Variants in CDS2 observed in about 807,000 individuals in gnomAD.
The protein encoded by CDS2 is phosphatidate cytidylyltransferase 2.
In CDS2, 47 loss-of-function variants were observed where a neutral mutation model predicts 59.0. The observed-to-expected ratio is 0.80, with a 90% CI of 0.63 to 1.02. The LOEUF is 1.02. Among genes scored for constraint, CDS2 ranks in the 50% least tolerant of loss-of-function variants. The pLI is 0.00. For missense variants in CDS2, 356 were observed against 558.9 expected (o/e 0.64, Z 3.66); for synonymous variants, 207 against 206.4 (o/e 1.00, Z -0.02).
intron 1 of CDS2, among the ~76,000 whole-genome samples, chr20:5,137,112 T>C (rs2090655285): frequency 6.6e-6 from 1 of 151,976 alleles, no homozygotes; most frequent in Non-Finnish European, 1.5e-5. Context: ...AAGGATATGA[T>C]TTTATTCTTT....
At chr20:5,138,311 A>G (rs950000450) in intron 1 of CDS2, among the ~76,000 whole-genome samples, 3 of 151,902 alleles carry the variant, frequency 2.0e-5, no homozygotes, top group Non-Finnish European at 2.9e-5. Flanking sequence ...TCTTTGGCAT[A>G]TAGATATCCA....
intron 1 of CDS2, among the ~76,000 whole-genome samples, chr20:5,154,928 A>G (rs2090821468): frequency 6.6e-6 from 1 of 152,236 alleles, no homozygotes; most frequent in Non-Finnish European, 1.5e-5. Flanking sequence ...GATTACAGGC[A>G]TGAGCCGTTG....
At position 5,186,686 on chromosome 20, in the gene CDS2, G is replaced by A; in HGVS notation, c.829-1G>A. The A allele has an allele frequency of 1.2e-6, 2 of 1,614,010 alleles. No homozygotes were observed. The highest frequency in any genetic ancestry group is 1.1e-5 in the South Asian group (1 of 91,068). On this transcript the variant is annotated splice_acceptor_variant, in intron 9 of 12. Transcript: ENST00000460006. LOFTEE classifies it high-confidence loss of function. Reference sequence around the variant, plus strand: ...CCGGTCTCTCTGTTATTCCTCCTCAGCTGTCCTATGTGATGTCCGGGTACA... The same window carrying A: ...CCGGTCTCTCTGTTATTCCTCCTCAACTGTCCTATGTGATGTCCGGGTACA...
At chr20:5,186,529 G>A (rs1225391424) in intron 9 of CDS2, among the ~76,000 whole-genome samples, 158 bp from the exon 10 acceptor site, 1 of 151,292 alleles carries the variant, frequency 6.6e-6, no homozygotes, top group African/African-American at 2.4e-5. Flanking sequence ...TTTTAATTGA[G>A]GTAAAATATG....
chr20:5,161,223 G>T (rs746160348), intron 1 of CDS2, among the ~76,000 whole-genome samples: 3 of 152,116 alleles, frequency 2.0e-5, no homozygotes, highest in Non-Finnish European at 4.4e-5. Flanking sequence ...TGTTATTTTG[G>T]TTTTTCTTTT....
rs115626411 is a variant in CDS2 at position 5,181,342 on chromosome 20, G to T, written c.530-1045G>T. Among the ~76,000 whole-genome samples, 909 of 152,226 alleles carry T rather than the reference G, an allele frequency of 6.0e-3. 10 individuals carry two copies. The highest frequency in any genetic ancestry group is 0.021 in the African/African-American group (868 of 41,538). ...GCAGTCTATTTCCTTTGGGTTGGGG[G>T]TCTCCTCAGTATTGTCCCTTTGGGG... On this transcript the variant is annotated intron_variant, in intron 5 of 12. Transcript: ENST00000460006.
chr20:5,145,789 A>G (rs970983266), intron 1 of CDS2, among the ~76,000 whole-genome samples: 6 of 149,762 alleles, frequency 4.0e-5, no homozygotes, highest in Admixed American at 4.0e-4. Flanking sequence ...TATCTTCTGC[A>G]GGAAGTTCCA....
intron 1 of CDS2, among the ~76,000 whole-genome samples, chr20:5,156,341 G>A (rs2090833653): frequency 3.9e-5 from 6 of 152,204 alleles, no homozygotes; most frequent in Admixed American, 3.9e-4. Context: ...GCAGAAGGAT[G>A]AACTAGTGTG....
intron 5 of CDS2, among the ~76,000 whole-genome samples, chr20:5,181,150 G>T (rs1157920313): frequency 1.3e-5 from 2 of 152,190 alleles, no homozygotes; most frequent in Admixed American, 6.5e-5. Context: ...GCTGATACGG[G>T]GTCGGTAGCT....
At chr20:5,157,352 G>A (rs1261840041) in intron 1 of CDS2, among the ~76,000 whole-genome samples, 1 of 152,172 alleles carries the variant, frequency 6.6e-6, no homozygotes, top group East Asian at 1.9e-4. Flanking sequence ...AGGCCAAATG[G>A]AGTTGAAAGA....
chr20:5,166,772 G>A (rs2090916162), intron 1 of CDS2, among the ~76,000 whole-genome samples: 1 of 152,206 alleles, frequency 6.6e-6, no homozygotes, highest in Non-Finnish European at 1.5e-5. Context: ...TCGTGACAAA[G>A]TCCTTGTTGA....
intron 1 of CDS2, among the ~76,000 whole-genome samples, chr20:5,129,267 G>T (rs1055551081): frequency 2.0e-5 from 3 of 152,042 alleles, no homozygotes; most frequent in Admixed American, 1.3e-4. Flanking sequence ...GAATTGTCAT[G>T]TATGGGATTT....
At chr20:5,165,333 GA>G (rs1450175417) in intron 1 of CDS2, among the ~76,000 whole-genome samples, 1 of 152,170 alleles carries the variant, frequency 6.6e-6, no homozygotes, top group Non-Finnish European at 1.5e-5. Flanking sequence ...GTGCAAAAAT[GA>G]ATTGTCAGCC....
chr20:5,130,575 G>C (rs964478960), intron 1 of CDS2, among the ~76,000 whole-genome samples: 3 of 151,286 alleles, frequency 2.0e-5, no homozygotes, highest in Admixed American at 6.6e-5. Flanking sequence ...TCAGGAGTTC[G>C]AGACCAGCCT....
intron 10 of CDS2, among the ~76,000 whole-genome samples, chr20:5,188,609 G>C (rs2091088479): frequency 6.6e-6 from 1 of 151,938 alleles, no homozygotes; most frequent in Non-Finnish European, 1.5e-5. Flanking sequence ...GGATGTCTTG[G>C]TCTGTCTAGT....
chr20:5,138,828 A>G (rs1038587368), intron 1 of CDS2, among the ~76,000 whole-genome samples: 1 of 151,872 alleles, frequency 6.6e-6, no homozygotes, highest in African/African-American at 2.4e-5. Flanking sequence ...CCAAGATCGC[A>G]CCACTGCACT....
chr20:5,161,240 T>G (rs1195496870), intron 1 of CDS2, among the ~76,000 whole-genome samples: 1 of 152,264 alleles, frequency 6.6e-6, no homozygotes, highest in Non-Finnish European at 1.5e-5. Context: ...TTTTTTCTTT[T>G]TTGAAAATAG....
At chr20:5,167,778 G>C (rs1231033649) in intron 1 of CDS2, among the ~76,000 whole-genome samples, 1 of 152,204 alleles carries the variant, frequency 6.6e-6, no homozygotes, top group Admixed American at 6.5e-5. Flanking sequence ...CAGCAGAAAA[G>C]TTAGGCTTAG....
chr20:5,162,896 TATG>T (rs2090885403), intron 1 of CDS2, among the ~76,000 whole-genome samples: 1 of 152,174 alleles, frequency 6.6e-6, no homozygotes, highest in Admixed American at 6.5e-5. Context: ...TGCCAAGATA[TATG>T]ATAAGATGAA....
Sources: allele counts gnomAD v4.1 joint callset (sites outside exome capture counted in the v4.1 genomes callset), GRCh38; gene constraint gnomAD v4.1.1; transcripts MANE v1.5; gene names NCBI Gene and HGNC (gene_info 2026-07-23, HGNC 2026-07-21).